Variants in PDE4B observed in about 807,000 individuals in gnomAD.
The protein encoded by PDE4B is 3',5'-cyclic-AMP phosphodiesterase 4B.
In PDE4B, 20 loss-of-function variants were observed where a neutral mutation model predicts 82.2. The observed-to-expected ratio is 0.24, with a 90% confidence interval of 0.17 to 0.35. PDE4B has a LOEUF of 0.35. PDE4B is among the 10% of genes least tolerant of loss of function. The pLI, the probability that PDE4B is intolerant of heterozygous loss-of-function variation, is 1.00. For missense variants in PDE4B, 655 were observed against 907.2 expected (o/e 0.72, Z 3.57); for synonymous variants, 320 against 318.9 (o/e 1.00, Z -0.04).
chr1:65,923,663 T>C (rs1473060518), intron 3 of PDE4B, among the ~76,000 whole-genome samples: 1 of 152,230 alleles, frequency 6.6e-6, no homozygotes, highest in Non-Finnish European at 1.5e-5. Flanking sequence ...TTCAACACTT[T>C]GAAACTATTT....
At chr1:66,361,840 C>G in intron 10 of PDE4B, 47 bp downstream of exon 10, 1 of 1,465,356 alleles carries the variant, frequency 6.8e-7, no homozygotes, top group East Asian at 2.3e-5. Context: ...TGCTTTACAG[C>G]AGACGGATGA....
chr1:65,807,903 C>T (rs1645775159), intron 1 of PDE4B, among the ~76,000 whole-genome samples: 1 of 152,182 alleles, frequency 6.6e-6, no homozygotes, highest in Non-Finnish European at 1.5e-5. Flanking sequence ...GTTTGGAGAA[C>T]TCTGTGATTT....
intron 2 of PDE4B, among the ~76,000 whole-genome samples, chr1:65,917,143 A>G (rs1262010660): frequency 2.0e-5 from 3 of 152,280 alleles, no homozygotes; most frequent in African/African-American, 7.2e-5. Flanking sequence ...TCTTTTTGCT[A>G]TTGTATCCTT....
chr1:66,092,492 C>T (rs2100996392), intron 3 of PDE4B, among the ~76,000 whole-genome samples: 1 of 152,052 alleles, frequency 6.6e-6, no homozygotes, highest in South Asian at 2.1e-4. Context: ...GCCAAGTGCT[C>T]AGAGTACAAC....
chr1:66,265,900 T>C (rs942164047), intron 6 of PDE4B, 138 bp from the exon 7 acceptor site: 8 of 675,136 alleles, frequency 1.2e-5, no homozygotes, highest in Non-Finnish European at 2.2e-5. Flanking sequence ...GGAGCTTGCC[T>C]TCCGGAGATG....
At chr1:66,257,740 C>A in intron 5 of PDE4B, 53 bp from the exon 6 acceptor site, 1 of 1,605,666 alleles carries the variant, frequency 6.2e-7, no homozygotes, top group Non-Finnish European at 8.5e-7. Flanking sequence ...TAAGTCTGAA[C>A]CTGGCCATTT....
intron 3 of PDE4B, among the ~76,000 whole-genome samples, chr1:66,050,363 G>A (rs1654953782): frequency 6.6e-6 from 1 of 151,944 alleles, no homozygotes; most frequent in African/African-American, 2.4e-5. Flanking sequence ...AATAGAATTT[G>A]GGACATTTGG....
At chr1:65,878,728 T>C (rs1458781693) in intron 1 of PDE4B, among the ~76,000 whole-genome samples, 1 of 151,848 alleles carries the variant, frequency 6.6e-6, no homozygotes, top group Non-Finnish European at 1.5e-5. Flanking sequence ...CCAGAGCCTG[T>C]TGGGGAGTCG....
intron 3 of PDE4B, among the ~76,000 whole-genome samples, chr1:66,060,502 G>T (rs1009129324): frequency 6.6e-6 from 1 of 152,104 alleles, no homozygotes; most frequent in South Asian, 2.1e-4. Context: ...CTGTTTACAC[G>T]TGTAAAATAC....
intron 7 of PDE4B, among the ~76,000 whole-genome samples, chr1:66,283,918 C>A (rs1254729714): frequency 6.6e-6 from 1 of 152,136 alleles, no homozygotes; most frequent in Non-Finnish European, 1.5e-5. Context: ...TCATTCACCA[C>A]TTTCTCATTG....
intron 3 of PDE4B, among the ~76,000 whole-genome samples, chr1:66,033,582 C>A (rs1356331665): frequency 6.6e-6 from 1 of 151,940 alleles, no homozygotes; most frequent in African/African-American, 2.4e-5. Flanking sequence ...CTGGGAAATA[C>A]AGACACTTTA....
intron 3 of PDE4B, among the ~76,000 whole-genome samples, chr1:66,062,469 A>C (rs1003223381): frequency 6.6e-6 from 1 of 152,076 alleles, no homozygotes; most frequent in Non-Finnish European, 1.5e-5. Flanking sequence ...CTTTTTCTGC[A>C]TGACTTCAAG....
At chr1:66,344,920 T>TG (rs1472539320) in intron 8 of PDE4B, among the ~76,000 whole-genome samples, 4 of 152,248 alleles carry the variant, frequency 2.6e-5, no homozygotes, top group Non-Finnish European at 5.9e-5. Context: ...AAGCTTCCTG[T>TG]GGTACCAGGA....
At chr1:66,165,947 G>T (rs1368230620) in intron 3 of PDE4B, among the ~76,000 whole-genome samples, 1 of 145,446 alleles carries the variant, frequency 6.9e-6, no homozygotes, top group South Asian at 2.1e-4. Flanking sequence ...ATCAAACCTT[G>T]AGGGGAAAAA....
At chr1:65,972,181 G>A (rs778556306) in intron 3 of PDE4B, among the ~76,000 whole-genome samples, 30 of 151,908 alleles carry the variant, frequency 2.0e-4, no homozygotes, top group Admixed American at 1.6e-3. Flanking sequence ...TTGCACTTTC[G>A]CATAGAAGTG....
intron 3 of PDE4B, among the ~76,000 whole-genome samples, chr1:65,964,653 C>A (rs1649720394): frequency 6.6e-6 from 1 of 152,092 alleles, no homozygotes; most frequent in South Asian, 2.1e-4. Flanking sequence ...AAAAGAATAA[C>A]AATTCTACAT....
chr1:65,972,374 T>C (rs1465392484), intron 3 of PDE4B, among the ~76,000 whole-genome samples: 1 of 152,166 alleles, frequency 6.6e-6, no homozygotes, highest in Non-Finnish European at 1.5e-5. Context: ...ATTGGGATTA[T>C]GCATTTGTTA....
intron 1 of PDE4B, among the ~76,000 whole-genome samples, chr1:65,826,295 T>C (rs1646016658): frequency 6.6e-6 from 1 of 152,208 alleles, no homozygotes; most frequent in African/African-American, 2.4e-5. Context: ...ATTTAATAAA[T>C]ATGGGACTTT....
At position 66,332,528 on chromosome 1, in the gene PDE4B, G is replaced by A; in HGVS notation, c.655G>A (p.Ala219Thr). The A allele has an allele frequency of 6.2e-7, 1 of 1,614,168 alleles. No individual in the cohort carries two copies. The highest frequency in any genetic ancestry group is 8.5e-7 in the Non-Finnish European group (1 of 1,180,040). ...NPQEESYQKL[A>T]METLEELDWC... ...TGCAGAAGAATCTTATCAAAAATTA[G>A]CAATGGAAACGCTGGAGGAATTAGA... The change falls in exon 8 of 17, where the codon GCA becomes ACA. Residue 219 changes from alanine (A) to threonine (T), a missense_variant. By Grantham distance (58) the Ala-to-Thr change is moderately conservative. Transcript: ENST00000341517.
Sources: gnomAD v4.1 joint callset for allele counts (sites outside exome capture counted in the v4.1 genomes callset) on GRCh38, gnomAD v4.1.1 for gene constraint, MANE v1.5 for transcripts, NCBI Gene and HGNC (gene_info 2026-07-23, HGNC 2026-07-21) for gene names.